PARD3B: variants seen among roughly 807,000 people sequenced by gnomAD.
PARD3B encodes par-3 family cell polarity regulator beta, also known as partitioning defective 3 homolog B.
A neutral mutation model predicts 130.2 loss-of-function variants in PARD3B; 103 were observed. The observed-to-expected ratio is 0.79, with a 90% CI of 0.67 to 0.93. PARD3B has a LOEUF of 0.93. Ranked by LOEUF, PARD3B falls within the 40% of genes least tolerant of loss-of-function variation. The pLI, the probability that PARD3B is intolerant of heterozygous loss-of-function variation, is 0.00. For missense variants in PARD3B, 1,609 were observed against 1,499.2 expected (o/e 1.07, Z -1.21); for synonymous variants, 583 against 553.2 (o/e 1.05, Z -0.76).
intron 2 of PARD3B, among the ~76,000 whole-genome samples, chr2:204,962,806 C>G (rs1226505603): frequency 2.0e-5 from 3 of 152,152 alleles, no homozygotes; most frequent in African/African-American, 4.8e-5. Flanking sequence ...AGGTCAGGAG[C>G]TGGTCCTCTT....
chr2:205,044,322 G>C (rs1487257059), intron 3 of PARD3B, among the ~76,000 whole-genome samples: 4 of 147,402 alleles, frequency 2.7e-5, no homozygotes, highest in Admixed American at 6.8e-5. Flanking sequence ...TATATACCCA[G>C]TAATGGGATG....
intron 19 of PARD3B, among the ~76,000 whole-genome samples, chr2:205,406,855 G>C (rs933945637): frequency 1.3e-5 from 2 of 151,720 alleles, no homozygotes; most frequent in Non-Finnish European, 2.9e-5. Context: ...ATTTTTAGTA[G>C]AGATGGGGTT....
At chr2:204,957,778 C>A (rs1208067591) in intron 2 of PARD3B, among the ~76,000 whole-genome samples, 2 of 152,122 alleles carry the variant, frequency 1.3e-5, no homozygotes, top group Non-Finnish European at 1.5e-5. Flanking sequence ...CAGTTTCACT[C>A]CCTTCCCAAA....
intron 15 of PARD3B, among the ~76,000 whole-genome samples, chr2:205,205,691 C>T (rs2037250592): frequency 6.6e-6 from 1 of 152,176 alleles, no homozygotes; most frequent in Non-Finnish European, 1.5e-5. Context: ...TTTTCTGCAT[C>T]TGTTGAGATA....
Position 205,122,002 on chromosome 2 carries a change from G to T in PARD3B, c.1165+53G>T. On this transcript the variant is annotated intron_variant, in intron 8 of 22. Transcript: ENST00000406610. The surrounding 1 kb of genome is among the most constrained non-coding windows in gnomAD (Gnocchi z 4.3). ...TTCTATTATTGTAACATGTAAAATT[G>T]GTTAAGAGAAATGCATTAAGGCTAA... 1 of 1,449,598 alleles carries T rather than the reference G, an allele frequency of 6.9e-7. No homozygotes were observed. The highest frequency in any genetic ancestry group is 9.3e-7 in the Non-Finnish European group (1 of 1,071,832). The allele number at this position is 1,449,598 out of a possible 1,614,324, so 89.8% of individuals were successfully genotyped here. A position where few individuals can be genotyped will look rare whatever the true frequency, so the allele number is the denominator to read the frequency against.
At chr2:205,157,466 T>C (rs1451635544) in intron 10 of PARD3B, among the ~76,000 whole-genome samples, 3 of 152,160 alleles carry the variant, frequency 2.0e-5, no homozygotes, top group Non-Finnish European at 4.4e-5. Flanking sequence ...AACTATTTCT[T>C]TAAAAGTTAG....
At chr2:205,226,158 C>T (rs2038531284) in intron 15 of PARD3B, among the ~76,000 whole-genome samples, 1 of 152,240 alleles carries the variant, frequency 6.6e-6, no homozygotes, top group Admixed American at 6.5e-5. Flanking sequence ...TCTCCTGCCT[C>T]AGCCTCCCGA....
chr2:204,862,036 TA>T (rs1383681309), intron 2 of PARD3B, among the ~76,000 whole-genome samples: 2 of 152,262 alleles, frequency 1.3e-5, no homozygotes, highest in East Asian at 3.9e-4. Flanking sequence ...ACTCCATGTT[TA>T]TATTAGGTAA....
chr2:205,037,292 TG>T (rs1422481361), intron 3 of PARD3B, among the ~76,000 whole-genome samples: 1 of 128,340 alleles, frequency 7.8e-6, no homozygotes, highest in Non-Finnish European at 1.7e-5. Context: ...ATATATATAG[TG>T]GACTATTTGT....
chr2:205,170,436 G>A (rs1017429291), intron 11 of PARD3B, among the ~76,000 whole-genome samples: 2 of 152,176 alleles, frequency 1.3e-5, no homozygotes, highest in East Asian at 1.9e-4. Context: ...CCACTTAAAC[G>A]GTTTACATCT....
At chr2:205,242,351 C>CTTAT (rs1005828193) in intron 15 of PARD3B, among the ~76,000 whole-genome samples, 8 of 151,990 alleles carry the variant, frequency 5.3e-5, no homozygotes, top group African/African-American at 1.7e-4. Flanking sequence ...TTTGTTAAGC[C>CTTAT]TAATATGGCC....
chr2:205,121,127 G>A lies in PARD3B; in HGVS notation c.807-464G>A, dbSNP rs2030659038. ...AACTTGTGTAACACAACCCATGTTA[G>A]AGAAGATCTGTACTTTAGAAGGATG... is the stretch of plus-strand genomic sequence containing the variant. On this transcript the variant is annotated intron_variant, in intron 7 of 22. Transcript: ENST00000406610. This position sits in a 1 kb window ranked among gnomAD's most constrained non-coding sequence, Gnocchi z 5.0. Among the ~76,000 whole-genome samples, 1 of 152,224 alleles carries A rather than the reference G, an allele frequency of 6.6e-6. No homozygotes were observed. The highest frequency in any genetic ancestry group is 1.5e-5 in the Non-Finnish European group (1 of 68,032).
chr2:204,579,108 T>A lies in PARD3B; in HGVS notation c.120+32989T>A, dbSNP rs541831358. ...TTAGGGCAGGCTGGGGGCGGGGATA[T>A]GAAAGGAAATCATCATCATCATCAT... On this transcript the variant is annotated intron_variant, in intron 1 of 22. Transcript: ENST00000406610. 6.0e-5 allele frequency among the ~76,000 whole-genome samples: 9 copies of A among 149,752 alleles called. No homozygotes were observed. In the South Asian group the frequency reaches 1.5e-3, roughly 24 times the overall value.
rs1488822415 is a variant in PARD3B at position 205,104,346 on chromosome 2, C to G, written c.505-80C>G. 8 of 1,034,618 alleles carry G rather than the reference C, an allele frequency of 7.7e-6. No homozygotes were observed. In the East Asian group the frequency reaches 1.2e-4, roughly 15 times the overall value. 64.1% of individuals were successfully genotyped at this position (1,034,618 alleles called of 1,614,324 possible). Reference sequence around the variant, plus strand: ...TATATCCAGCGTAAAGCGGTTTACTCTCCCATATTGGGATATTTTATTCAG... The same window carrying G: ...TATATCCAGCGTAAAGCGGTTTACTGTCCCATATTGGGATATTTTATTCAG... On this transcript the variant is annotated intron_variant, in intron 4 of 22. Transcript: ENST00000406610.
chr2:204,983,650 C>A (rs1335786546), intron 3 of PARD3B, among the ~76,000 whole-genome samples: 1 of 152,110 alleles, frequency 6.6e-6, no homozygotes, highest in Non-Finnish European at 1.5e-5. Flanking sequence ...TGACTCTGAC[C>A]TTCGTTCCGT....
At chr2:205,560,342 C>T (rs2192933) in intron 22 of PARD3B, among the ~76,000 whole-genome samples, 86,091 of 152,038 alleles carry the variant, frequency 0.57, 24,858 homozygotes, top group Middle Eastern at 0.73. Flanking sequence ...GCCTTTCAAC[C>T]GTCTCTGTAA....
At chr2:205,193,553 T>A (rs77213696) in intron 15 of PARD3B, among the ~76,000 whole-genome samples, 2,580 of 152,300 alleles carry the variant, frequency 0.017, 55 homozygotes, top group African/African-American at 0.057. Flanking sequence ...ATCTATAAAC[T>A]ATCCTCCCAT....
rs557647155 is a variant in PARD3B, at chr2:205,335,427, T to C, written c.2630+33726T>C. On this transcript the variant is annotated intron_variant, in intron 18 of 22. Transcript: ENST00000406610. ...ATGTTGACAGTCTCTTTTCTGTGTGTGTCTAAGTCCTACATGCCATGTGTA... is the reference window on the plus strand; with the variant it reads ...ATGTTGACAGTCTCTTTTCTGTGTGCGTCTAAGTCCTACATGCCATGTGTA... Among the ~76,000 whole-genome samples the C allele has an allele frequency of 4.6e-5, 7 of 152,300 alleles. 1 individual carries two copies. The South Asian group carries it at 1.5e-3, about 32-fold the overall frequency.
Position 205,250,887 on chromosome 2 carries a change from C to A in PARD3B, c.2185+5065C>A, listed in dbSNP as rs545763176. On this transcript the variant is annotated intron_variant, in intron 16 of 22. Transcript: ENST00000406610. ...GAGGTTGCAGTGAGCCAAGATCACA[C>A]CACTGTGCCCCAGCCTGGGCAACAG... Among the ~76,000 whole-genome samples, 255 of 152,250 alleles carry A rather than the reference C, an allele frequency of 1.7e-3. 2 individuals carry two copies. The highest frequency in any genetic ancestry group is 6.0e-3 in the African/African-American group (251 of 41,558).
Sources: allele counts gnomAD v4.1 joint callset (sites outside exome capture counted in the v4.1 genomes callset), GRCh38; gene constraint gnomAD v4.1.1; non-coding constraint Gnocchi (gnomAD v3.1); transcripts MANE v1.5; gene names NCBI Gene and HGNC (gene_info 2026-07-23, HGNC 2026-07-21).